Variants in CYFIP1 observed in about 807,000 individuals in gnomAD.
CYFIP1 encodes the protein cytoplasmic FMR1-interacting protein 1.
In CYFIP1, 58 loss-of-function variants were observed where a neutral mutation model predicts 163.5. The ratio of observed to expected loss-of-function variants is 0.35; its 90% CI spans 0.29 to 0.44. The LOEUF (loss-of-function observed/expected upper bound fraction) is 0.44, where lower values mean the gene tolerates loss of function less well. CYFIP1 is among the 20% of genes least tolerant of loss of function. The pLI is 1.00. For missense variants in CYFIP1, 1,338 were observed against 1,653.8 expected (o/e 0.81, Z 3.31); for synonymous variants, 663 against 660.7 (o/e 1.00, Z -0.05).
At chr15:22,927,534 GT>G (rs1175215595) in intron 12 of CYFIP1, among the ~76,000 whole-genome samples, 9 of 150,372 alleles carry the variant, frequency 6.0e-5, no homozygotes, top group African/African-American at 2.2e-4. Flanking sequence ...GTGCACACCT[GT>G]GGTCCCAGCA....
rs559196702 is a variant in CYFIP1, at chr15:22,902,517, A to T, written c.2588+1189T>A. Among the ~76,000 whole-genome samples, 82 of 152,332 alleles carry T rather than the reference A, an allele frequency of 5.4e-4. 1 individual carries two copies. Among genetic ancestry groups the T allele is most frequent in the Admixed American group, 1.5e-3 (23 of 15,296 alleles). On this transcript the variant is annotated intron_variant, in intron 22 of 30. Transcript: ENST00000617928. ...TATCCATGATTTCCCATTTTTCTAT[A>T]ATTTTGATATATTACTTGTGTAAGA...
intron 10 of CYFIP1, among the ~76,000 whole-genome samples, chr15:22,933,260 T>C (rs959100646): frequency 1.3e-5 from 2 of 152,290 alleles, no homozygotes; most frequent in East Asian, 1.9e-4. Flanking sequence ...CCACTAACTA[T>C]TGAACATTTC....
chr15:22,904,160 T>G lies in CYFIP1; in HGVS notation c.2389-255A>C, dbSNP rs1417132509. ...CCTACCCCTGCTGTCCAGCACCCTG[T>G]GGGGCAGCGTGCACGTGTGGCCTGC... is the stretch of plus-strand genomic sequence containing the variant. On this transcript the variant is annotated intron_variant, in intron 21 of 30. Coordinates refer to ENST00000617928, the MANE Select transcript of CYFIP1 (RefSeq NM_014608.6). 9.0e-6 allele frequency: 5 copies of G among 557,970 alleles called. No homozygotes were observed. In the Admixed American group the frequency reaches 1.5e-4, roughly 17 times the overall value. 34.6% of individuals were successfully genotyped at this position (557,970 alleles called of 1,614,324 possible). A position where few individuals can be genotyped will look rare whatever the true frequency, so the allele number is the denominator to read the frequency against.
intron 21 of CYFIP1, among the ~76,000 whole-genome samples, chr15:22,908,246 G>T (rs1163302444): frequency 6.6e-6 from 1 of 152,150 alleles, no homozygotes; most frequent in Non-Finnish European, 1.5e-5. Context: ...TACCAGGAAA[G>T]CAGAGAATCC....
At chr15:22,893,539 A>G (rs796595140) in intron 22 of CYFIP1, among the ~76,000 whole-genome samples, 7 of 152,242 alleles carry the variant, frequency 4.6e-5, no homozygotes, top group Non-Finnish European at 1.0e-4. Flanking sequence ...AAACTTTTGC[A>G]AAGAAGTATA....
At chr15:22,925,183 T>C (rs368949449) in intron 13 of CYFIP1, among the ~76,000 whole-genome samples, 2 of 152,200 alleles carry the variant, frequency 1.3e-5, no homozygotes, top group Non-Finnish European at 2.9e-5. Context: ...ATTGTTCATA[T>C]CCTGATTAAA....
At chr15:22,880,802 C>T (rs1215932231) in intron 25 of CYFIP1, among the ~76,000 whole-genome samples, 1 of 152,154 alleles carries the variant, frequency 6.6e-6, no homozygotes, top group African/African-American at 2.4e-5. Flanking sequence ...CTGCTCCTCC[C>T]AGCTCTCAGC....
chr15:22,876,525 T>G (rs534984806), intron 26 of CYFIP1, among the ~76,000 whole-genome samples: 1 of 152,042 alleles, frequency 6.6e-6, no homozygotes, highest in South Asian at 2.1e-4. Flanking sequence ...TAAATAATTA[T>G]AGAACCACAA....
At position 22,946,664 on chromosome 15, in the gene CYFIP1, A is replaced by C. The variant is rs186549933; in HGVS notation, c.207+339T>G. On this transcript the variant is annotated intron_variant, in intron 3 of 30. Coordinates refer to ENST00000617928, the MANE Select transcript of CYFIP1 (RefSeq NM_014608.6). ...TCAAAAAAAAAGCAGAACTATAATA[A>C]CAATGCAATTCATTTATAAATCTAA... The C allele has an allele frequency of 5.8e-3, 2,392 of 412,954 alleles. 16 individuals are homozygous for C. Among genetic ancestry groups the C allele is most frequent in the Middle Eastern group, 0.016 (47 of 2,898 alleles). 25.6% of individuals were successfully genotyped at this position (412,954 alleles called of 1,614,324 possible). A position where few individuals can be genotyped will look rare whatever the true frequency, so the allele number is the denominator to read the frequency against.
intron 8 of CYFIP1, among the ~76,000 whole-genome samples, chr15:22,937,794 G>T (rs2061763361): frequency 6.6e-6 from 1 of 151,820 alleles, no homozygotes; most frequent in East Asian, 1.9e-4. Context: ...TAGTAGAGAT[G>T]GGGTTTCACC....
intron 16 of CYFIP1, among the ~76,000 whole-genome samples, chr15:22,915,413 A>G (rs561549389): frequency 1.3e-5 from 2 of 152,210 alleles, no homozygotes; most frequent in East Asian, 3.9e-4. Flanking sequence ...GGTATGAGCC[A>G]CTGTGTCTTA....
chr15:22,936,699 G>A (rs2061722423), intron 9 of CYFIP1, among the ~76,000 whole-genome samples: 1 of 152,102 alleles, frequency 6.6e-6, no homozygotes, highest in African/African-American at 2.4e-5. Context: ...GTTTGGACGC[G>A]CCAAAACTTG....
At chr15:22,951,107 A>G (rs1206130181) in intron 1 of CYFIP1, among the ~76,000 whole-genome samples, 1 of 152,138 alleles carries the variant, frequency 6.6e-6, no homozygotes, top group Non-Finnish European at 1.5e-5. Flanking sequence ...CCACAGATAC[A>G]TGGAAACAAT....
In CYFIP1 at chr15:22,955,888, A is replaced by AG. The variant is rs1192169422; in HGVS notation, c.-6-8598_-6-8597insC. Among the ~76,000 whole-genome samples, 15 of 128,190 alleles carry AG rather than the reference A, an allele frequency of 1.2e-4. 1 individual carries two copies. Among genetic ancestry groups the AG allele is most frequent in the Non-Finnish European group, 5.2e-5 (3 of 57,534 alleles). The allele number at this position is 128,190 out of a possible 152,430, so 84.1% of individuals were successfully genotyped here. On this transcript the variant is annotated intron_variant, in intron 1 of 30. Coordinates refer to ENST00000617928, the MANE Select transcript of CYFIP1 (RefSeq NM_014608.6). ...AAACCTCACAATCATCACATGCTTCAAAACAAAGAACAGTGAATCAACAGA... is the reference window on the plus strand; with the variant it reads ...AAACCTCACAATCATCACATGCTTCAGAAACAAAGAACAGTGAATCAACAGA...
At chr15:22,920,220 A>G (rs1363198569) in intron 13 of CYFIP1, among the ~76,000 whole-genome samples, 2 of 117,918 alleles carry the variant, frequency 1.7e-5, no homozygotes, top group Non-Finnish European at 3.2e-5. Flanking sequence ...ACTGGAGTGC[A>G]GTGGCATGAT....
At chr15:22,916,723 C>T (rs1315888311) in intron 15 of CYFIP1, 93 bp from the exon 16 acceptor site, 1 of 1,613,820 alleles carries the variant, frequency 6.2e-7, no homozygotes, top group African/African-American at 1.3e-5. Context: ...AAGGACTGCT[C>T]CGCTACGCCC....
At chr15:22,929,016 C>T (rs1411561082) in intron 11 of CYFIP1, among the ~76,000 whole-genome samples, 2 of 151,610 alleles carry the variant, frequency 1.3e-5, no homozygotes, top group South Asian at 2.1e-4. Context: ...GTCAGGAGTT[C>T]GAGATCAGCC....
Position 22,943,193 on chromosome 15 carries a change from G to A in CYFIP1, c.549C>T (p.Asn183=), listed in dbSNP as rs571118758. 11 of 1,614,160 alleles carry A rather than the reference G, an allele frequency of 6.8e-6. No individual in the cohort carries two copies. The highest frequency in any genetic ancestry group is 1.7e-4 in the Middle Eastern group (1 of 6,056). Residue 183 remains asparagine (N), a synonymous_variant, in exon 6 of 31, where the codon AAC becomes AAT. Transcript: ENST00000617928. ...CTCACCTCTTGTACGCTGAGTGGTCGTTCTTCACACTGCACTTCATGTTCT... is the reference window on the plus strand; with the variant it reads ...CTCACCTCTTGTACGCTGAGTGGTCATTCTTCACACTGCACTTCATGTTCT... ...ELKNMKCSVK[N]DHSAYKRAAQ...
At chr15:22,965,036 T>TTG (rs56857768) in intron 1 of CYFIP1, among the ~76,000 whole-genome samples, 5,077 of 149,454 alleles carry the variant, frequency 0.034, 94 homozygotes, top group South Asian at 0.062. Flanking sequence ...TAGTATTCCA[T>TTG]TGTGTGTGTG....
Sources: gnomAD v4.1 joint callset for allele counts (sites outside exome capture counted in the v4.1 genomes callset) on GRCh38, gnomAD v4.1.1 for gene constraint, MANE v1.5 for transcripts, NCBI Gene and HGNC (gene_info 2026-07-23, HGNC 2026-07-21) for gene names.